PPM1B: variants seen among roughly 807,000 people sequenced by gnomAD.
PPM1B encodes the protein protein phosphatase 1B.
Under a neutral mutation model 43.0 loss-of-function variants are expected in PPM1B, and 22 were observed. The observed-to-expected ratio is 0.51, with a 90% CI of 0.37 to 0.73. The LOEUF (loss-of-function observed/expected upper bound fraction) is 0.73. Ranked by LOEUF, PPM1B falls within the 30% of genes least tolerant of loss-of-function variation. The probability of loss-of-function intolerance (pLI) is 0.00; values close to 1 mark genes in which losing one functional copy is unlikely to be tolerated. For synonymous variants in PPM1B, 217 were observed against 197.9 expected (o/e 1.10, Z -0.81); for missense variants, 632 against 584.2 (o/e 1.08, Z -0.84).
downstream of PPM1B, among the ~76,000 whole-genome samples, chr2:44,246,835 G>C (rs549678308): frequency 1.3e-5 from 2 of 152,094 alleles, no homozygotes; most frequent in African/African-American, 4.8e-5. Context: ...TGATTTCTTG[G>C]TTTTGTTTTT....
intron 1 of PPM1B, among the ~76,000 whole-genome samples, chr2:44,176,070 C>T (rs1667569114): frequency 6.6e-6 from 1 of 152,138 alleles, no homozygotes; most frequent in Non-Finnish European, 1.5e-5. Flanking sequence ...AGGCGTGAGT[C>T]ACCATGCCCT....
intron 1 of PPM1B, among the ~76,000 whole-genome samples, chr2:44,196,580 G>A (rs1017093620): frequency 6.6e-6 from 1 of 152,158 alleles, no homozygotes; most frequent in Non-Finnish European, 1.5e-5. Flanking sequence ...TATGGGGTGG[G>A]AAGTTGTGCT....
At chr2:44,183,954 G>A (rs1342318588) in intron 1 of PPM1B, among the ~76,000 whole-genome samples, 3 of 152,226 alleles carry the variant, frequency 2.0e-5, no homozygotes, top group Middle Eastern at 3.4e-3. Flanking sequence ...TAGCCAGTAT[G>A]GTCTCGATCT....
At chr2:44,187,618 G>C (rs1668186933) in intron 1 of PPM1B, among the ~76,000 whole-genome samples, 1 of 152,138 alleles carries the variant, frequency 6.6e-6, no homozygotes, top group Non-Finnish European at 1.5e-5. Flanking sequence ...CTTTGAGTCT[G>C]AGTATTTGTA....
intron 3 of PPM1B, among the ~76,000 whole-genome samples, chr2:44,212,087 A>G (rs571980511): frequency 6.6e-6 from 1 of 152,322 alleles, no homozygotes; most frequent in South Asian, 2.1e-4. Context: ...TTTTACTGCA[A>G]GGAAAAATGT....
In PPM1B at chr2:44,230,760, T is replaced by TAA; in HGVS notation, c.*43_*44dup. ...TATTTTTGTGATCTTTGATGGTTTT[T>TAA]AACCTAGGAAGTGTAATGTATGCAT... On this transcript the variant is annotated 3_prime_UTR_variant, in exon 6 of 6. Coordinates refer to ENST00000282412, the MANE Select transcript of PPM1B (RefSeq NM_002706.6). 6.3e-7 allele frequency: 1 copy of TAA among 1,583,058 alleles called. No homozygotes were observed. The highest frequency in any genetic ancestry group is 8.6e-7 in the Non-Finnish European group (1 of 1,163,090).
intron 1 of PPM1B, among the ~76,000 whole-genome samples, chr2:44,179,544 T>G (rs1667757704): frequency 6.6e-6 from 1 of 152,150 alleles, no homozygotes; most frequent in African/African-American, 2.4e-5. Flanking sequence ...TGACTTTAAT[T>G]TTCCATCTTC....
chr2:44,242,338 A>C (rs114995306), intron 5 of PPM1B, among the ~76,000 whole-genome samples: 2,041 of 152,270 alleles, frequency 0.013, 45 homozygotes, highest in African/African-American at 0.047. Flanking sequence ...AATACACATT[A>C]ACTTTAGAAC....
chr2:44,231,062 A>T lies in PPM1B; in HGVS notation c.*344A>T. 1.1e-6 allele frequency: 1 copy of T among 911,074 alleles called. No individual in the cohort carries two copies. The highest frequency in any genetic ancestry group is 1.3e-6 in the Non-Finnish European group (1 of 757,508). 56.4% of individuals were successfully genotyped at this position (911,074 alleles called of 1,614,324 possible). Reference sequence around the variant, plus strand: ...TGCTATATTATGGAAAAACTTGTTAATGTAGAATTATACTGCTTCATATTA... The same window carrying T: ...TGCTATATTATGGAAAAACTTGTTATTGTAGAATTATACTGCTTCATATTA... On this transcript the variant is annotated 3_prime_UTR_variant, in exon 6 of 6. Coordinates refer to ENST00000282412, the MANE Select transcript of PPM1B (RefSeq NM_002706.6).
At chr2:44,216,972 G>A (rs904404850) in intron 3 of PPM1B, among the ~76,000 whole-genome samples, 7 of 151,920 alleles carry the variant, frequency 4.6e-5, no homozygotes, top group African/African-American at 9.7e-5. Context: ...CCAAACCAAC[G>A]AAAAGAGTAT....
At chr2:44,202,565 T>C (rs779701569) in intron 2 of PPM1B, among the ~76,000 whole-genome samples, 3 of 151,954 alleles carry the variant, frequency 2.0e-5, no homozygotes, top group Non-Finnish European at 4.4e-5. Context: ...GCAGCTCTTA[T>C]CTGGCAATAC....
At chr2:44,245,198 G>C (rs1298444072), downstream of PPM1B, among the ~76,000 whole-genome samples, 3 of 152,170 alleles carry the variant, frequency 2.0e-5, no homozygotes, top group Non-Finnish European at 1.5e-5. Flanking sequence ...GTCCCCAGAA[G>C]TTTTAACAGT....
chr2:44,241,974 C>G (rs527632344), intron 5 of PPM1B, among the ~76,000 whole-genome samples: 5 of 147,744 alleles, frequency 3.4e-5, no homozygotes, highest in Non-Finnish European at 5.9e-5. Flanking sequence ...TTCTCCTGCC[C>G]CAGCCTTCCG....
At chr2:44,209,459 G>T in intron 3 of PPM1B, 132 bp downstream of exon 3, 2 of 951,772 alleles carry the variant, frequency 2.1e-6, no homozygotes, top group Non-Finnish European at 3.0e-6. Flanking sequence ...GAGAGGGAAA[G>T]TATTCTTTTT....
intron 1 of PPM1B, among the ~76,000 whole-genome samples, chr2:44,194,822 C>A (rs926806541): frequency 2.6e-5 from 4 of 151,980 alleles, no homozygotes; most frequent in African/African-American, 9.7e-5. Context: ...TTGCTCTGGT[C>A]CTCAGCTAAA....
chr2:44,218,435 A>G (rs1233208082), intron 4 of PPM1B, 45 bp from the exon 5 acceptor site: 1 of 1,427,858 alleles, frequency 7.0e-7, no homozygotes, highest in East Asian at 2.3e-5. Context: ...CAAGCTTAAA[A>G]TTCTGTGTAA....
chr2:44,217,717 C>T lies in PPM1B; in HGVS notation c.965-250C>T, dbSNP rs890670342. On this transcript the variant is annotated intron_variant, in intron 3 of 5. Transcript: ENST00000282412. ...AACATTTAGTTTGTTCCAGTTTTTG[C>T]TTTTTATGAATAATGCTGGAATGAA... 4.6e-4 allele frequency: 110 copies of T among 241,690 alleles called. No individual in the cohort carries two copies. The Admixed American group carries it at 5.6e-3, about 12-fold the overall frequency. The allele number at this position is 241,690 out of a possible 1,614,324, so 15.0% of individuals were successfully genotyped here. A position where few individuals can be genotyped will look rare whatever the true frequency, so the allele number is the denominator to read the frequency against.
At chr2:44,239,179 CAAAAAAAA>C (rs1193340508), downstream of PPM1B, among the ~76,000 whole-genome samples, 16 of 89,636 alleles carry the variant, frequency 1.8e-4, no homozygotes, top group Middle Eastern at 7.4e-3. Flanking sequence ...GTCTCTAATA[CAAAAAAAA>C]AAAAAAAAAA....
At chr2:44,234,178 C>A, downstream of PPM1B, 1 of 981,388 alleles carries the variant, frequency 1.0e-6, no homozygotes, top group African/African-American at 1.7e-5. Context: ...CTGTACAGGA[C>A]AATATTAACC....
Sources: allele counts gnomAD v4.1 joint callset (sites outside exome capture counted in the v4.1 genomes callset), GRCh38; gene constraint gnomAD v4.1.1; transcripts MANE v1.5; gene names NCBI Gene and HGNC (gene_info 2026-07-23, HGNC 2026-07-21).